The following LUZP2 variants were observed in gnomAD, a reference collection of about 807,000 sequenced individuals.
LUZP2 encodes the protein leucine zipper protein 2.
LUZP2 carries 52 observed loss-of-function variants against 51.6 expected under a neutral mutation model. The observed-to-expected ratio is 1.01, with a 90% CI of 0.81 to 1.27. The LOEUF is 1.27. Among genes scored for constraint, LUZP2 ranks in the 50% most tolerant of loss-of-function variants. The pLI, the probability that LUZP2 is intolerant of heterozygous loss-of-function variation, is 0.00. For missense variants in LUZP2, 436 were observed against 395.4 expected, an observed-to-expected ratio of 1.10 and a Z score of -0.87; for synonymous variants, 154 against 137.3, an observed-to-expected ratio of 1.12 and a Z score of -0.85.
At chr11:24,738,163 T>C (rs1590424635) in intron 3 of LUZP2, 58 bp from the exon 4 acceptor site, 1 of 1,205,746 alleles carries the variant, frequency 8.3e-7, no homozygotes, top group Admixed American at 1.9e-5. Context: ...ATAATGTTCA[T>C]AGGAAATAAT....
chr11:24,798,903 ATAGT>A (rs1467071289), intron 5 of LUZP2, among the ~76,000 whole-genome samples: 4 of 152,102 alleles, frequency 2.6e-5, no homozygotes, highest in Admixed American at 2.6e-4. Flanking sequence ...AGTTCACCAC[ATAGT>A]TAGATTTATT....
intron 1 of LUZP2, among the ~76,000 whole-genome samples, chr11:24,520,868 C>T (rs2133800310): frequency 6.6e-6 from 1 of 152,322 alleles, no homozygotes; most frequent in South Asian, 2.1e-4. Context: ...GGCCAACCAC[C>T]AAAAACTCAA....
chr11:24,587,039 G>A (rs1853090029), intron 1 of LUZP2, among the ~76,000 whole-genome samples: 1 of 152,008 alleles, frequency 6.6e-6, no homozygotes, highest in African/African-American at 2.4e-5. Context: ...ATTTTCCTCT[G>A]ATGTAACACA....
chr11:24,971,501 G>T (rs2133896240), intron 7 of LUZP2, among the ~76,000 whole-genome samples: 1 of 152,146 alleles, frequency 6.6e-6, no homozygotes, highest in East Asian at 1.9e-4. Context: ...GTGGAGGGAG[G>T]AGGTTAGGTT....
chr11:24,981,006 A>G (rs1168219243), intron 8 of LUZP2, among the ~76,000 whole-genome samples: 1 of 151,944 alleles, frequency 6.6e-6, no homozygotes, highest in Non-Finnish European at 1.5e-5. Flanking sequence ...AGCAAAAACA[A>G]GACTGGCTGT....
intron 7 of LUZP2, among the ~76,000 whole-genome samples, chr11:24,963,829 G>T (rs1855497350): frequency 6.6e-6 from 1 of 152,138 alleles, no homozygotes; most frequent in Non-Finnish European, 1.5e-5. Context: ...ACCTCAGATG[G>T]AAATGCAGAA....
intron 1 of LUZP2, among the ~76,000 whole-genome samples, chr11:24,508,880 G>C (rs1188685395): frequency 6.6e-6 from 1 of 152,104 alleles, no homozygotes; most frequent in Non-Finnish European, 1.5e-5. Flanking sequence ...AAATTAAAAA[G>C]GGGTAGAGAT....
At chr11:24,690,740 A>G (rs1234302815) in intron 1 of LUZP2, among the ~76,000 whole-genome samples, 2 of 152,062 alleles carry the variant, frequency 1.3e-5, no homozygotes, top group African/African-American at 2.4e-5. Context: ...GTATACTCCT[A>G]TCACCAACTC....
intron 5 of LUZP2, among the ~76,000 whole-genome samples, chr11:24,787,794 T>C (rs1849290320): frequency 1.3e-5 from 2 of 152,202 alleles, no homozygotes. Context: ...GCAATACACA[T>C]AATTATTATT....
At chr11:24,781,988 ACT>A (rs1439049646) in intron 5 of LUZP2, among the ~76,000 whole-genome samples, 1 of 151,966 alleles carries the variant, frequency 6.6e-6, no homozygotes, top group Non-Finnish European at 1.5e-5. Context: ...GGATAAGAAG[ACT>A]CTAAGTAAGT....
At chr11:24,695,758 A>ATGATGTAT (rs1040739230) in intron 1 of LUZP2, among the ~76,000 whole-genome samples, 100 of 152,250 alleles carry the variant, frequency 6.6e-4, no homozygotes, top group African/African-American at 2.3e-3. Context: ...CAAGAATACA[A>ATGATGTAT]TGATGTATGA....
Position 24,871,742 on chromosome 11 carries a change from T to A in LUZP2, c.397-34249T>A, listed in dbSNP as rs370212256. 2.6e-5 allele frequency among the ~76,000 whole-genome samples: 4 copies of A among 151,812 alleles called. No individual in the cohort carries two copies. In the East Asian group the frequency reaches 5.8e-4, roughly 22 times the overall value. On this transcript the variant is annotated intron_variant, in intron 5 of 11. Coordinates refer to ENST00000336930, the MANE Select transcript of LUZP2 (RefSeq NM_001009909.4). ...CCTATAAACTACAGTAAAAAAAAAA[T>A]GTTTACTAGCATCTGGAGAAAATAT...
intron 4 of LUZP2, 131 bp from the exon 5 acceptor site, chr11:24,763,115 A>G (rs1032249218): frequency 7.7e-6 from 4 of 521,808 alleles, no homozygotes; most frequent in Non-Finnish European, 1.2e-5. Flanking sequence ...ATTAAGGAAC[A>G]GTGTAATTCT....
At chr11:24,958,869 G>C (rs1212928252) in intron 7 of LUZP2, among the ~76,000 whole-genome samples, 3 of 152,104 alleles carry the variant, frequency 2.0e-5, no homozygotes, top group Non-Finnish European at 2.9e-5. Flanking sequence ...TTTTCTTCTA[G>C]GGTTTTTATG....
rs1217744781 is a variant in LUZP2 at position 24,860,014 on chromosome 11, A to C, written c.397-45977A>C. Among the ~76,000 whole-genome samples the C allele has an allele frequency of 5.3e-5, 8 of 152,182 alleles. No individual in the cohort carries two copies. The South Asian group carries it at 1.7e-3, about 31-fold the overall frequency. On this transcript the variant is annotated intron_variant, in intron 5 of 11. Transcript: ENST00000336930. ...TTTAAGCTCCTGGGGGAGGGGTAGC[A>C]ACCGGTGCTAGGACTCACAACTGCC...
chr11:24,547,885 A>G (rs968745290), intron 1 of LUZP2, among the ~76,000 whole-genome samples: 3 of 151,786 alleles, frequency 2.0e-5, no homozygotes, highest in Non-Finnish European at 4.4e-5. Context: ...AAACTACCTC[A>G]TTAAAAAATG....
chr11:24,678,113 A>AT (rs1856627770), intron 1 of LUZP2, among the ~76,000 whole-genome samples: 1 of 147,950 alleles, frequency 6.8e-6, no homozygotes, highest in Non-Finnish European at 1.5e-5. Context: ...TATGTGTATT[A>AT]TTTTTTGTTG....
At chr11:24,967,774 T>C (rs1168472717) in intron 7 of LUZP2, among the ~76,000 whole-genome samples, 6 of 152,126 alleles carry the variant, frequency 3.9e-5, no homozygotes, top group African/African-American at 1.4e-4. Context: ...ACACATTACC[T>C]ATAAGTTCCT....
intron 9 of LUZP2, among the ~76,000 whole-genome samples, chr11:25,003,128 A>G (rs989569548): frequency 5.9e-5 from 9 of 152,182 alleles, no homozygotes; most frequent in African/African-American, 2.2e-4. Flanking sequence ...TTGATTAGCT[A>G]GAAAGTTCAA....
Sources: gnomAD v4.1 joint callset for allele counts (sites outside exome capture counted in the v4.1 genomes callset) on GRCh38, gnomAD v4.1.1 for gene constraint, MANE v1.5 for transcripts, NCBI Gene and HGNC (gene_info 2026-07-23, HGNC 2026-07-21) for gene names.